The following DPP6 variants were observed in gnomAD, a reference collection of about 807,000 sequenced individuals.
DPP6 encodes the protein dipeptidyl peptidase like 6, also known as A-type potassium channel modulatory protein DPP6.
Under a neutral mutation model 122.6 loss-of-function variants are expected in DPP6, and 69 were observed. The ratio of observed to expected loss-of-function variants is 0.56; its 90% confidence interval spans 0.46 to 0.69. The LOEUF is 0.69. Among genes scored for constraint, DPP6 ranks in the 30% least tolerant of loss-of-function variants. DPP6 has a pLI of 0.00. For synonymous variants in DPP6, 418 were observed against 433.1 expected, an observed-to-expected ratio of 0.97 and a Z score of 0.43; for missense variants, 928 against 1,116.9, an observed-to-expected ratio of 0.83 and a Z score of 2.41.
At chr7:153,883,382 T>C (rs997132613), upstream of DPP6, among the ~76,000 whole-genome samples, 1 of 101,178 alleles carries the variant, frequency 9.9e-6, no homozygotes, top group African/African-American at 4.5e-5. Context: ...CTTTTCCTTT[T>C]TTTTGTTCTT....
chr7:154,467,737 T>G (rs1821912828), intron 2 of DPP6, among the ~76,000 whole-genome samples: 1 of 152,230 alleles, frequency 6.6e-6, no homozygotes, highest in African/African-American at 2.4e-5. Context: ...TATAAATTCT[T>G]AAGAATCTGC....
chr7:154,526,836 G>T lies in DPP6; in HGVS notation c.458-13696G>T, dbSNP rs1175388807. The stretch of plus-strand genomic sequence containing the variant: ...CTGGACTGAAGACCTTCATTTGGCT[G>T]CTGTGAGTTCATAGGCTCCCAGCTC... On this transcript the variant is annotated intron_variant, in intron 3 of 25. Coordinates refer to ENST00000377770, the MANE Select transcript of DPP6 (RefSeq NM_130797.4). Among the ~76,000 whole-genome samples the T allele has an allele frequency of 2.0e-5, 3 of 152,196 alleles. No homozygotes were observed. The East Asian group carries it at 5.8e-4, about 29-fold the overall frequency.
chr7:153,762,212 G>T, the DPP6 span, among the ~76,000 whole-genome samples: 1 of 152,160 alleles, frequency 6.6e-6, no homozygotes, highest in African/African-American at 2.4e-5. Flanking sequence ...TAACCACGGA[G>T]AATAGATTCT....
intron 1 of DPP6, among the ~76,000 whole-genome samples, chr7:154,273,577 A>G (rs977357287): frequency 1.3e-5 from 2 of 152,346 alleles, no homozygotes; most frequent in Middle Eastern, 6.8e-3. Flanking sequence ...ATCATTCTGC[A>G]AGATGACCAA....
At position 154,481,827 on chromosome 7, in the gene DPP6, T is replaced by A. The variant is rs542896532; in HGVS notation, c.457+6790T>A. 6.6e-6 allele frequency among the ~76,000 whole-genome samples: 1 copy of A among 152,322 alleles called. No individual in the cohort carries two copies. The highest frequency in any genetic ancestry group is 1.9e-4 in the East Asian group (1 of 5,174). On this transcript the variant is annotated intron_variant, in intron 3 of 25. Coordinates refer to ENST00000377770, the MANE Select transcript of DPP6 (RefSeq NM_130797.4). The surrounding 1 kb of genome is among the most constrained non-coding windows in gnomAD (Gnocchi z 4.2). Reference sequence around the variant, plus strand: ...CCACATTGACTCTTCTGGTTTTGGATTCTCCTATATCCTGCACTGACCCTT... The same window carrying A: ...CCACATTGACTCTTCTGGTTTTGGAATCTCCTATATCCTGCACTGACCCTT...
At chr7:154,813,952 C>T (rs1339510713) in intron 16 of DPP6, among the ~76,000 whole-genome samples, 1 of 128,900 alleles carries the variant, frequency 7.8e-6, no homozygotes, top group Admixed American at 9.9e-5. Flanking sequence ...ACAATCTGGG[C>T]TCACTGCAAC....
intron 1 of DPP6, among the ~76,000 whole-genome samples, chr7:154,217,692 C>G (rs1258150170): frequency 2.0e-5 from 3 of 152,222 alleles, no homozygotes; most frequent in African/African-American, 7.2e-5. Context: ...AGGTCATGCT[C>G]AAACCTTCCA....
At chr7:154,196,666 C>T (rs1033494550) in intron 1 of DPP6, among the ~76,000 whole-genome samples, 1 of 152,148 alleles carries the variant, frequency 6.6e-6, no homozygotes, top group Non-Finnish European at 1.5e-5. Context: ...GGCTCCCTGG[C>T]CATGAGCCAG....
chr7:154,668,196 T>TA lies in DPP6; in HGVS notation c.681-1164_681-1163insA, dbSNP rs1456590892. Among the ~76,000 whole-genome samples the TA allele has an allele frequency of 5.9e-3, 509 of 86,556 alleles. 10 individuals are homozygous for TA. The highest frequency in any genetic ancestry group is 0.012 in the African/African-American group (293 of 24,932). 56.8% of individuals were successfully genotyped at this position (86,556 alleles called of 152,430 possible). A position where few individuals can be genotyped will look rare whatever the true frequency, so the allele number is the denominator to read the frequency against. ...GGTGCATTCCCAGCTATGTGTATAT[T>TA]TTATATATATATATATATATATAAT... On this transcript the variant is annotated intron_variant, in intron 6 of 25. Coordinates refer to ENST00000377770, the MANE Select transcript of DPP6 (RefSeq NM_130797.4).
At chr7:154,669,322 C>T (rs1444666307) in intron 6 of DPP6, 38 bp from the exon 7 acceptor site, 3 of 1,551,622 alleles carry the variant, frequency 1.9e-6, no homozygotes, top group African/African-American at 2.7e-5. Flanking sequence ...TGGTTCCCAA[C>T]ATTTTGCTTT....
At chr7:154,166,738 C>G (rs1276943974) in intron 1 of DPP6, among the ~76,000 whole-genome samples, 2 of 146,406 alleles carry the variant, frequency 1.4e-5, no homozygotes, top group East Asian at 3.9e-4. Flanking sequence ...TGGCGAAACC[C>G]TGTCTCTACT....
intron 5 of DPP6, among the ~76,000 whole-genome samples, chr7:154,579,354 TA>T (rs1159448877): frequency 5.9e-5 from 9 of 151,644 alleles, no homozygotes; most frequent in Non-Finnish European, 1.2e-4. Flanking sequence ...CGTCTCAAAA[TA>T]AAAAAGAAAA....
At chr7:154,845,999 G>A (rs1475094966) in intron 16 of DPP6, among the ~76,000 whole-genome samples, 1 of 151,678 alleles carries the variant, frequency 6.6e-6, no homozygotes, top group Non-Finnish European at 1.5e-5. Flanking sequence ...ACATGGCCAT[G>A]TGGCCTGCAG....
intron 8 of DPP6, among the ~76,000 whole-genome samples, chr7:154,751,873 G>C (rs573153826): frequency 1.3e-5 from 2 of 152,260 alleles, no homozygotes; most frequent in South Asian, 2.1e-4. Flanking sequence ...TGATGCTGGG[G>C]GAGGGGAAGG....
chr7:154,097,976 T>C (rs1203170800), intron 1 of DPP6, among the ~76,000 whole-genome samples: 92 of 151,814 alleles, frequency 6.1e-4, no homozygotes, highest in African/African-American at 2.2e-3. Context: ...ACTTCTGCCA[T>C]ATACATTAGG....
At chr7:154,727,911 A>G (rs1363408530) in intron 8 of DPP6, 24 bp downstream of exon 8, 1 of 1,562,794 alleles carries the variant, frequency 6.4e-7, no homozygotes, top group African/African-American at 1.4e-5. Flanking sequence ...AGAGAGAAAA[A>G]AGGAAGATTT....
intron 3 of DPP6, among the ~76,000 whole-genome samples, chr7:154,521,380 T>TC (rs1162806785): frequency 6.6e-6 from 1 of 151,166 alleles, no homozygotes; most frequent in Non-Finnish European, 1.5e-5. Flanking sequence ...TTTTTTTTTT[T>TC]CCTTAACCAT....
chr7:154,504,907 C>T (rs1825555996), intron 3 of DPP6, among the ~76,000 whole-genome samples: 1 of 151,956 alleles, frequency 6.6e-6, no homozygotes, highest in Admixed American at 6.6e-5. Flanking sequence ...TATCTGGGTC[C>T]ATGCAGTCAA....
intron 3 of DPP6, among the ~76,000 whole-genome samples, chr7:154,507,075 C>T (rs1825721063): frequency 6.6e-6 from 1 of 152,084 alleles, no homozygotes; most frequent in African/African-American, 2.4e-5. Flanking sequence ...TAGTCAATCT[C>T]CTGAGGCATT....
Sources: gnomAD v4.1 joint callset for allele counts (sites outside exome capture counted in the v4.1 genomes callset) on GRCh38, gnomAD v4.1.1 for gene constraint, Gnocchi (gnomAD v3.1) non-coding constraint, MANE v1.5 for transcripts, NCBI Gene and HGNC (gene_info 2026-07-23, HGNC 2026-07-21) for gene names.